The following SETD5 variants were observed in gnomAD, a reference collection of about 807,000 sequenced individuals.
The protein encoded by SETD5 is SET domain containing 5, also known as histone-lysine N-methyltransferase SETD5.
A neutral mutation model predicts 153.3 loss-of-function variants in SETD5; 44 were observed. The observed-to-expected ratio is 0.29, with a 90% CI of 0.23 to 0.37. SETD5 has a LOEUF of 0.37. SETD5 is among the 10% of genes least tolerant of loss of function. SETD5 has a pLI of 1.00. For missense variants in SETD5, 1,544 were observed against 1,768.0 expected, an observed-to-expected ratio of 0.87 and a Z score of 2.27; for synonymous variants, 716 against 645.2, an observed-to-expected ratio of 1.11 and a Z score of -1.66.
At chr3:9,460,099 G>A (rs933570235) in intron 17 of SETD5, among the ~76,000 whole-genome samples, 17 of 151,910 alleles carry the variant, frequency 1.1e-4, no homozygotes, top group Middle Eastern at 3.4e-3. Context: ...CTGGTAAAGA[G>A]GGTTAATGTG....
At chr3:9,474,742 C>T in intron 21 of SETD5, 160 bp downstream of exon 21, 1 of 976,422 alleles carries the variant, frequency 1.0e-6, no homozygotes, top group South Asian at 1.6e-5. Flanking sequence ...TGGGCTACCA[C>T]ATTTGTAAGA....
chr3:9,468,335 A>T (rs766293600), intron 18 of SETD5, among the ~76,000 whole-genome samples: 2 of 152,176 alleles, frequency 1.3e-5, no homozygotes. Flanking sequence ...AAGCATTTTA[A>T]CAAGTCATTC....
At chr3:9,446,738 A>G (rs1575464328) in intron 13 of SETD5, among the ~76,000 whole-genome samples, 1 of 151,730 alleles carries the variant, frequency 6.6e-6, no homozygotes, top group Non-Finnish European at 1.5e-5. Context: ...TGATCTTCCC[A>G]CCTCAGCCTC....
intron 1 of SETD5, among the ~76,000 whole-genome samples, chr3:9,408,112 C>G (rs1305277252): frequency 6.6e-6 from 1 of 152,174 alleles, no homozygotes; most frequent in African/African-American, 2.4e-5. Flanking sequence ...CCGTTTCACT[C>G]TCAAAAATGT....
At chr3:9,453,602 A>G (rs928679645) in intron 16 of SETD5, 137 bp from the exon 17 acceptor site, 8 of 748,516 alleles carry the variant, frequency 1.1e-5, no homozygotes, top group Non-Finnish European at 1.6e-5. Context: ...CTGAGACACA[A>G]GACAATAAAA....
chr3:9,416,462 A>G (rs2037479715), intron 1 of SETD5, among the ~76,000 whole-genome samples: 1 of 152,192 alleles, frequency 6.6e-6, no homozygotes, highest in Non-Finnish European at 1.5e-5. Context: ...CTTGCTCCCA[A>G]GAATGCAAGA....
At chr3:9,407,918 C>A (rs931348217) in intron 1 of SETD5, among the ~76,000 whole-genome samples, 1 of 151,736 alleles carries the variant, frequency 6.6e-6, no homozygotes, top group Non-Finnish European at 1.5e-5. Flanking sequence ...GAGAATCGCT[C>A]GAACCCAGGT....
At chr3:9,410,937 G>C (rs1277111373) in intron 1 of SETD5, among the ~76,000 whole-genome samples, 2 of 149,898 alleles carry the variant, frequency 1.3e-5, no homozygotes, top group African/African-American at 4.9e-5. Context: ...TTCGCAGGCT[G>C]GAGTGCAGTG....
chr3:9,440,786 C>T (rs1225425927), intron 8 of SETD5, 88 bp downstream of exon 8: 2 of 1,455,254 alleles, frequency 1.4e-6, no homozygotes, highest in East Asian at 2.4e-5. Flanking sequence ...ACTGTTCCTT[C>T]CAAATGTACA....
chr3:9,477,765 G>C lies in SETD5; in HGVS notation c.*1674G>C, dbSNP rs2045934268. On this transcript the variant is annotated 3_prime_UTR_variant, in exon 23 of 23. Transcript: ENST00000402198. ...GTTTCCCCCACAAACCCATCAGTCT[G>C]GGAGAGCATTGGGAGTGGAAATCAT... The C allele has an allele frequency of 1.3e-5, 2 of 151,470 alleles. No individual in the cohort carries two copies. Among genetic ancestry groups the C allele is most frequent in the African/African-American group, 4.9e-5 (2 of 41,020 alleles). 9.4% of individuals were successfully genotyped at this position (151,470 alleles called of 1,614,324 possible). A position where few individuals can be genotyped will look rare whatever the true frequency, so the allele number is the denominator to read the frequency against.
At chr3:9,407,141 A>T (rs1348111547) in intron 1 of SETD5, among the ~76,000 whole-genome samples, 3 of 152,180 alleles carry the variant, frequency 2.0e-5, no homozygotes, top group Non-Finnish European at 4.4e-5. Context: ...CAGCCTGACC[A>T]ACATGGTGAA....
At chr3:9,435,034 C>T (rs976391415) in intron 6 of SETD5, among the ~76,000 whole-genome samples, 152 bp downstream of exon 6, 1 of 152,012 alleles carries the variant, frequency 6.6e-6, no homozygotes, top group Non-Finnish European at 1.5e-5. Context: ...CACCTGAGGT[C>T]GGGAGTTTGA....
rs1575508937 is a variant in SETD5 at position 9,453,870 on chromosome 3, T to C, written c.2476+2T>C. ...CTAGTATCTGCAAAGACAATGCAGG[T>C]ACGTATCTAAAACCTTTCTGATTAT... On this transcript the variant is annotated splice_donor_variant, in intron 17 of 22. Coordinates refer to ENST00000402198, the MANE Select transcript of SETD5 (RefSeq NM_001080517.3). LOFTEE classifies it high-confidence loss of function. The C allele has an allele frequency of 5.7e-6, 9 of 1,565,258 alleles. No individual in the cohort carries two copies. Among genetic ancestry groups the C allele is most frequent in the Non-Finnish European group, 7.7e-6 (9 of 1,163,516 alleles).
chr3:9,446,780 T>A (rs1381141607), intron 13 of SETD5, among the ~76,000 whole-genome samples: 5 of 152,142 alleles, frequency 3.3e-5, no homozygotes, highest in African/African-American at 4.8e-5. Flanking sequence ...CGTGAGCCAC[T>A]GCACCCATCC....
At chr3:9,448,101 A>G (rs2042225377) in intron 15 of SETD5, 95 bp downstream of exon 15, 1 of 1,309,140 alleles carries the variant, frequency 7.6e-7, no homozygotes. Context: ...ACTAATCTCA[A>G]TATTACTAGA....
chr3:9,419,729 A>G (rs984561260), intron 1 of SETD5, among the ~76,000 whole-genome samples: 27 of 152,252 alleles, frequency 1.8e-4, no homozygotes, highest in Admixed American at 5.9e-4. Context: ...TTGTAGCTCT[A>G]TTTCTTCATT....
intron 3 of SETD5, chr3:9,429,871 C>T (rs965663146): frequency 2.3e-6 from 3 of 1,303,852 alleles, no homozygotes; most frequent in African/African-American, 1.5e-5. Flanking sequence ...AGTGGCACTA[C>T]ACCAGGATGT....
chr3:9,471,748 A>C (rs571291877), intron 19 of SETD5, among the ~76,000 whole-genome samples: 12 of 152,158 alleles, frequency 7.9e-5, no homozygotes, highest in Non-Finnish European at 1.5e-4. Flanking sequence ...AATGAGTAGG[A>C]GTGTTTTGAA....
intron 20 of SETD5, among the ~76,000 whole-genome samples, chr3:9,473,801 A>G (rs1015693183): frequency 6.6e-6 from 1 of 152,168 alleles, no homozygotes; most frequent in Non-Finnish European, 1.5e-5. Context: ...GAGCTCTTTC[A>G]TTTGGTGGGC....
Sources: allele counts gnomAD v4.1 joint callset (sites outside exome capture counted in the v4.1 genomes callset), GRCh38; gene constraint gnomAD v4.1.1; transcripts MANE v1.5; gene names NCBI Gene and HGNC (gene_info 2026-07-23, HGNC 2026-07-21).